Variants in PKP4 observed in about 807,000 individuals in gnomAD.
PKP4 encodes plakophilin-4.
A neutral mutation model predicts 145.1 loss-of-function variants in PKP4; 90 were observed. The ratio of observed to expected loss-of-function variants is 0.62; its 90% CI spans 0.52 to 0.74. The LOEUF (loss-of-function observed/expected upper bound fraction) is 0.74. Ranked by LOEUF, PKP4 falls within the 30% of genes least tolerant of loss-of-function variation. The pLI is 0.00. For missense variants in PKP4, 1,340 were observed against 1,482.7 expected (o/e 0.90, Z 1.58); for synonymous variants, 563 against 577.2 (o/e 0.98, Z 0.35).
intron 3 of PKP4, among the ~76,000 whole-genome samples, chr2:158,598,557 C>T (rs570072290): frequency 2.0e-5 from 3 of 151,938 alleles, no homozygotes; most frequent in South Asian, 2.1e-4. Context: ...CACGAGGTCA[C>T]GAGATCGAGA....
Position 158,620,984 on chromosome 2 carries a change from T to C in PKP4, c.281-6T>C. 3 of 1,613,112 alleles carry C rather than the reference T, an allele frequency of 1.9e-6. No homozygotes were observed. Among genetic ancestry groups the C allele is most frequent in the Non-Finnish European group, 2.5e-6 (3 of 1,179,472 alleles). On this transcript the variant is annotated splice_region_variant and splice_polypyrimidine_tract_variant and intron_variant, in intron 4 of 21. Coordinates refer to ENST00000389759, the MANE Select transcript of PKP4 (RefSeq NM_003628.6). ...TATTTAGCTGATTAAACTTTTCTTG[T>C]TACAGACGTGCCAAATACTGGTGTA...
chr2:158,636,093 A>G (rs1465743701), intron 9 of PKP4, among the ~76,000 whole-genome samples: 1 of 152,120 alleles, frequency 6.6e-6, no homozygotes, highest in East Asian at 1.9e-4. Context: ...TATTAATAAC[A>G]TCAATGATGC....
At position 158,673,870 on chromosome 2, in the gene PKP4, CTT is replaced by C. The variant is rs777643472; in HGVS notation, c.3010-12_3010-11del. 37 of 1,571,568 alleles carry C rather than the reference CTT, an allele frequency of 2.4e-5. No homozygotes were observed. Among genetic ancestry groups the C allele is most frequent in the Non-Finnish European group, 3.2e-5 (36 of 1,141,280 alleles). On this transcript the variant is annotated splice_polypyrimidine_tract_variant and intron_variant, in intron 18 of 21. Transcript: ENST00000389759. ...TTCATTTTGAGAGGTTTCTTTTTCT[CTT>C]AACTCTGCAGGATGGGTGGAATCAG... is the stretch of plus-strand genomic sequence containing the variant.
At chr2:158,496,412 G>C (rs941849580) in intron 1 of PKP4, among the ~76,000 whole-genome samples, 1 of 152,036 alleles carries the variant, frequency 6.6e-6, no homozygotes, top group African/African-American at 2.4e-5. Context: ...TGAATTTATC[G>C]ATTCTGTGAA....
chr2:158,619,378 C>T (rs2051973006), intron 4 of PKP4, among the ~76,000 whole-genome samples: 1 of 152,176 alleles, frequency 6.6e-6, no homozygotes, highest in African/African-American at 2.4e-5. Context: ...TTCTACCATA[C>T]AGAAGCATTC....
chr2:158,634,220 A>G lies in PKP4; in HGVS notation c.1493A>G (p.Gln498Arg). 1 of 1,614,196 alleles carries G rather than the reference A, an allele frequency of 6.2e-7. No homozygotes were observed. The highest frequency in any genetic ancestry group is 8.5e-7 in the Non-Finnish European group (1 of 1,180,036). The change falls in exon 9 of 22, where the codon CAG becomes CGG. Residue 498 changes from glutamine to arginine, a missense_variant. Transcript: ENST00000389759. ...CAAGAGTGCAATTATAACAGGCTTC[A>G]GCATGCAGTGCCGGCTGATGATGGC... ...RVQECNYNRLQHAVPADDGTT... is the reference protein window; with the variant it reads ...RVQECNYNRLRHAVPADDGTT...
chr2:158,579,519 G>T (rs1056207776), intron 3 of PKP4, among the ~76,000 whole-genome samples: 1 of 151,408 alleles, frequency 6.6e-6, no homozygotes, highest in Non-Finnish European at 1.5e-5. Context: ...GTGAGCAAAA[G>T]AGTAGGGTTT....
At chr2:158,650,366 A>C in intron 11 of PKP4, among the ~76,000 whole-genome samples, 1 of 152,242 alleles carries the variant, frequency 6.6e-6, no homozygotes, top group East Asian at 1.9e-4. Context: ...AAGAAGTGGT[A>C]AAATTACCTA....
At chr2:158,633,749 A>T (rs1319953662) in intron 8 of PKP4, among the ~76,000 whole-genome samples, 1 of 152,138 alleles carries the variant, frequency 6.6e-6, no homozygotes, top group Non-Finnish European at 1.5e-5. Context: ...AAATTAATAA[A>T]TTTTGCTATT....
At chr2:158,548,098 T>C (rs763012979) in intron 2 of PKP4, among the ~76,000 whole-genome samples, 2 of 152,174 alleles carry the variant, frequency 1.3e-5, no homozygotes, top group Non-Finnish European at 2.9e-5. Context: ...ATTCAGACAA[T>C]TAACTGCCTG....
Position 158,464,144 on chromosome 2 carries a change from A to G in PKP4, c.-6+6926A>G, listed in dbSNP as rs533931153. Among the ~76,000 whole-genome samples the G allele has an allele frequency of 2.6e-5, 4 of 152,358 alleles. No individual in the cohort carries two copies. In the East Asian group the frequency reaches 7.7e-4, roughly 29 times the overall value. ...GGTTAGAAGGGACTAGTCTTGTTAC[A>G]GTGAGAAAGATCCACTTCTTACTTG... On this transcript the variant is annotated intron_variant, in intron 1 of 21. Transcript: ENST00000389759.
At chr2:158,496,090 C>T (rs1423824514) in intron 1 of PKP4, among the ~76,000 whole-genome samples, 2 of 151,874 alleles carry the variant, frequency 1.3e-5, no homozygotes, top group African/African-American at 4.8e-5. Flanking sequence ...ACACAGTTCT[C>T]CCACCTCAGC....
intron 1 of PKP4, among the ~76,000 whole-genome samples, chr2:158,519,065 A>G (rs997311734): frequency 2.6e-5 from 4 of 151,398 alleles, no homozygotes; most frequent in African/African-American, 9.7e-5. Context: ...TTTTCCAAGA[A>G]CTTGGAGTAA....
At chr2:158,639,321 G>GTGT (rs1553468374) in intron 9 of PKP4, among the ~76,000 whole-genome samples, 59,988 of 137,658 alleles carry the variant, frequency 0.44, 12,974 homozygotes, top group East Asian at 0.65. Context: ...ACGCATGAGG[G>GTGT]GTGTGTGTGT....
chr2:158,484,089 CG>C (rs1693793139), intron 1 of PKP4, among the ~76,000 whole-genome samples: 2 of 146,132 alleles, frequency 1.4e-5, no homozygotes, highest in Non-Finnish European at 3.0e-5. Context: ...GGCCGGACTG[CG>C]GACTGCAGTG....
chr2:158,581,296 G>C (rs1192880711), intron 3 of PKP4, among the ~76,000 whole-genome samples: 1 of 152,092 alleles, frequency 6.6e-6, no homozygotes, highest in Non-Finnish European at 1.5e-5. Flanking sequence ...GATTCAGTTC[G>C]TTCTTGCATG....
chr2:158,622,591 C>G (rs1274731916), intron 6 of PKP4, among the ~76,000 whole-genome samples: 2 of 152,128 alleles, frequency 1.3e-5, no homozygotes, highest in Non-Finnish European at 1.5e-5. Context: ...TCACGGTTCC[C>G]AACGCCCACA....
At chr2:158,469,785 A>G (rs1691261774) in intron 1 of PKP4, among the ~76,000 whole-genome samples, 1 of 152,152 alleles carries the variant, frequency 6.6e-6, no homozygotes, top group Admixed American at 6.5e-5. Context: ...GATTTGATCC[A>G]TTTTCTGTAT....
chr2:158,471,609 C>T (rs917072758), intron 1 of PKP4, among the ~76,000 whole-genome samples: 3 of 152,220 alleles, frequency 2.0e-5, no homozygotes, highest in Non-Finnish European at 4.4e-5. Context: ...AAGTAAGATT[C>T]ATCTCTTCTA....
Sources: gnomAD v4.1 joint callset for allele counts (sites outside exome capture counted in the v4.1 genomes callset) on GRCh38, gnomAD v4.1.1 for gene constraint, MANE v1.5 for transcripts, NCBI Gene and HGNC (gene_info 2026-07-23, HGNC 2026-07-21) for gene names.